Variants in TENM3 observed in about 807,000 individuals in gnomAD.
The protein encoded by TENM3 is teneurin-3.
Under a neutral mutation model 255.1 loss-of-function variants are expected in TENM3, and 63 were observed. That is an observed-to-expected ratio of 0.25 (90% CI 0.20 to 0.30). The LOEUF is 0.30. Ranked by LOEUF, TENM3 falls within the 10% of genes least tolerant of loss-of-function variation. The pLI, the probability that TENM3 is intolerant of heterozygous loss-of-function variation, is 1.00. For synonymous variants in TENM3, 1,306 were observed against 1,322.3 expected, an observed-to-expected ratio of 0.99 and a Z score of 0.27; for missense variants, 2,929 against 3,461.1, an observed-to-expected ratio of 0.85 and a Z score of 3.86.
chr4:181,656,562 G>C, the TENM3 span, among the ~76,000 whole-genome samples: 1 of 152,138 alleles, frequency 6.6e-6, no homozygotes, highest in Admixed American at 6.5e-5. Flanking sequence ...GCAGCGGGGA[G>C]GGTCTGAGTT....
the TENM3 span, among the ~76,000 whole-genome samples, chr4:181,655,250 A>G: frequency 0.092 from 14,059 of 152,256 alleles, 861 homozygotes; most frequent in South Asian, 0.16. Flanking sequence ...AGAAGAGTGG[A>G]AAAGGAAGTT....
At chr4:182,664,596 G>A (rs1361060534) in intron 6 of TENM3, among the ~76,000 whole-genome samples, 4 of 152,196 alleles carry the variant, frequency 2.6e-5, no homozygotes, top group Non-Finnish European at 4.4e-5. Context: ...GATGAGATCG[G>A]CTGAAAGCTA....
intron 5 of TENM3, among the ~76,000 whole-genome samples, chr4:182,647,242 A>G (rs1752836092): frequency 1.3e-5 from 2 of 152,350 alleles, no homozygotes; most frequent in South Asian, 2.1e-4. Flanking sequence ...TAAGAAACAC[A>G]CAACATAAAA....
intron 3 of TENM3, among the ~76,000 whole-genome samples, chr4:182,442,813 CATAT>C (rs372983416): frequency 5.0e-4 from 72 of 143,426 alleles, no homozygotes; most frequent in African/African-American, 1.7e-3. Context: ...TGTATATACA[CATAT>C]ATATACATAT....
chr4:182,101,926 T>C, the TENM3 span, among the ~76,000 whole-genome samples: 1 of 152,152 alleles, frequency 6.6e-6, no homozygotes, highest in Non-Finnish European at 1.5e-5. Flanking sequence ...AAATGATTGA[T>C]TTTCAGGTAG....
intron 3 of TENM3, among the ~76,000 whole-genome samples, chr4:182,423,020 C>A (rs2151147438): frequency 6.6e-6 from 1 of 152,282 alleles, no homozygotes; most frequent in African/African-American, 2.4e-5. Context: ...CGTTTCTGAA[C>A]TCTTCTTTCT....
At chr4:182,419,340 G>A (rs1165930303) in intron 3 of TENM3, among the ~76,000 whole-genome samples, 5 of 152,130 alleles carry the variant, frequency 3.3e-5, no homozygotes, top group Admixed American at 6.5e-5. Flanking sequence ...ACACCAGTTC[G>A]AATGGCAATC....
chr4:182,338,062 A>G (rs1764253701), intron 2 of TENM3, among the ~76,000 whole-genome samples: 1 of 152,190 alleles, frequency 6.6e-6, no homozygotes, highest in African/African-American at 2.4e-5. Flanking sequence ...TCATGGAAGT[A>G]TCCACTTTAG....
chr4:182,752,290 A>C (rs1405225935), intron 20 of TENM3, among the ~76,000 whole-genome samples: 2 of 60,138 alleles, frequency 3.3e-5, no homozygotes, highest in African/African-American at 1.1e-4. Flanking sequence ...TCAGCTCTTC[A>C]AAGAATGAAG....
the TENM3 span, among the ~76,000 whole-genome samples, chr4:181,753,491 C>T: frequency 1.3e-5 from 2 of 150,648 alleles, 1 homozygote; most frequent in South Asian, 4.2e-4. Context: ...TAACAGTCAG[C>T]TATTTTGGGA....
chr4:181,711,615 A>G, the TENM3 span, among the ~76,000 whole-genome samples: 2 of 152,194 alleles, frequency 1.3e-5, no homozygotes, highest in Non-Finnish European at 2.9e-5. Context: ...GAAGACCCCT[A>G]CCTTGTGATT....
chr4:182,771,712 C>T (rs760964630), intron 22 of TENM3, among the ~76,000 whole-genome samples: 32 of 152,192 alleles, frequency 2.1e-4, no homozygotes, highest in South Asian at 4.2e-4. Flanking sequence ...TAAACCAGTG[C>T]GTGTTTGTTT....
chr4:182,695,256 G>C (rs1757312616), intron 12 of TENM3, among the ~76,000 whole-genome samples: 1 of 152,158 alleles, frequency 6.6e-6, no homozygotes, highest in African/African-American at 2.4e-5. Context: ...GCCAGAGACA[G>C]GTTTACTGTG....
chr4:182,276,794 TG>T (rs573008218), intron 1 of TENM3, among the ~76,000 whole-genome samples: 1 of 152,234 alleles, frequency 6.6e-6, no homozygotes, highest in Non-Finnish European at 1.5e-5. Flanking sequence ...ATATTTCGTC[TG>T]TATGTATATA....
chr4:181,734,213 G>A, the TENM3 span, among the ~76,000 whole-genome samples: 1 of 152,162 alleles, frequency 6.6e-6, no homozygotes, highest in African/African-American at 2.4e-5. Context: ...TGTGAAGACT[G>A]AATAGGTAAA....
intron 2 of TENM3, among the ~76,000 whole-genome samples, chr4:182,332,139 C>A (rs79271196): frequency 0.036 from 5,486 of 152,002 alleles, 221 homozygotes; most frequent in African/African-American, 0.099. Flanking sequence ...TAAGCCAAAA[C>A]ATTTTATCAT....
chr4:182,456,849 T>C (rs1773916726), intron 3 of TENM3, among the ~76,000 whole-genome samples: 1 of 152,102 alleles, frequency 6.6e-6, no homozygotes, highest in Admixed American at 6.5e-5. Flanking sequence ...AGAAACTCCG[T>C]ATTTCTGCTC....
the TENM3 span, among the ~76,000 whole-genome samples, chr4:181,941,309 ATGT>A: frequency 1.0e-4 from 10 of 99,692 alleles, no homozygotes; most frequent in South Asian, 3.6e-4. Flanking sequence ...CTTTTGTTTG[ATGT>A]TTTTTTTTTT....
chr4:181,870,972 T>C, the TENM3 span, among the ~76,000 whole-genome samples: 2 of 152,084 alleles, frequency 1.3e-5, no homozygotes, highest in African/African-American at 4.8e-5. Flanking sequence ...GGGGTTGAAA[T>C]GCATTTATTT....
Sources: allele counts gnomAD v4.1 joint callset (sites outside exome capture counted in the v4.1 genomes callset), GRCh38; gene constraint gnomAD v4.1.1; transcripts MANE v1.5; gene names NCBI Gene and HGNC (gene_info 2026-07-23, HGNC 2026-07-21).